Variants in KAZN observed in about 807,000 individuals in gnomAD.
The protein encoded by KAZN is kazrin, periplakin interacting protein.
A neutral mutation model predicts 87.4 loss-of-function variants in KAZN; 40 were observed. The observed-to-expected ratio is 0.46, with a 90% CI of 0.36 to 0.60. The LOEUF is 0.60. KAZN is among the 20% of genes least tolerant of loss of function. KAZN has a pLI of 0.00. For missense variants in KAZN, 898 were observed against 1,073.9 expected, an observed-to-expected ratio of 0.84 and a Z score of 2.29; for synonymous variants, 466 against 458.3, an observed-to-expected ratio of 1.02 and a Z score of -0.22.
chr1:14,459,702 A>G (rs377076397), intron 2 of KAZN, among the ~76,000 whole-genome samples: 1 of 152,162 alleles, frequency 6.6e-6, no homozygotes, highest in East Asian at 1.9e-4. Context: ...GCCTAGAGCA[A>G]TGGAAGAACT....
chr1:14,151,924 G>A (rs998060076), intron 1 of KAZN, among the ~76,000 whole-genome samples: 1 of 152,122 alleles, frequency 6.6e-6, no homozygotes, highest in Non-Finnish European at 1.5e-5. Flanking sequence ...AAAAATGGAA[G>A]GATGATAAAA....
chr1:13,932,207 C>G (rs1181607201), intron 1 of KAZN, among the ~76,000 whole-genome samples: 2 of 151,280 alleles, frequency 1.3e-5, no homozygotes, highest in African/African-American at 4.9e-5. Context: ...AAGTTATTAG[C>G]TAGTTTACAT....
intron 2 of KAZN, among the ~76,000 whole-genome samples, chr1:14,188,028 G>C (rs966106929): frequency 7.2e-5 from 11 of 152,126 alleles, no homozygotes; most frequent in African/African-American, 2.4e-4. Context: ...GGGTTTCACT[G>C]GGGGCAACTG....
At chr1:14,048,651 C>T (rs914432469) in intron 1 of KAZN, among the ~76,000 whole-genome samples, 4 of 152,230 alleles carry the variant, frequency 2.6e-5, no homozygotes, top group Admixed American at 6.5e-5. Context: ...TGATCCCACC[C>T]ACCTCGGCCT....
At chr1:14,136,457 T>A (rs1005235293) in intron 1 of KAZN, among the ~76,000 whole-genome samples, 11 of 152,118 alleles carry the variant, frequency 7.2e-5, no homozygotes, top group Non-Finnish European at 1.3e-4. Context: ...TACTAAACAA[T>A]TGCAAAGCAG....
chr1:14,839,426 T>C (rs1413268617), intron 1 of KAZN, among the ~76,000 whole-genome samples: 1 of 152,206 alleles, frequency 6.6e-6, no homozygotes, highest in East Asian at 1.9e-4. Context: ...CAATAAATGC[T>C]AGGGATCATT....
intron 1 of KAZN, among the ~76,000 whole-genome samples, chr1:14,641,298 G>A (rs1267717403): frequency 6.6e-6 from 1 of 152,134 alleles, no homozygotes. Context: ...TAGCTCCCAT[G>A]GTCTACATGA....
At chr1:15,048,241 T>G (rs923651197) in intron 4 of KAZN, among the ~76,000 whole-genome samples, 1 of 152,218 alleles carries the variant, frequency 6.6e-6, no homozygotes, top group Admixed American at 6.5e-5. Flanking sequence ...TCTGCAGACG[T>G]TTCCCAAGAA....
At chr1:14,725,541 C>A (rs1158968862) in intron 1 of KAZN, among the ~76,000 whole-genome samples, 1 of 151,144 alleles carries the variant, frequency 6.6e-6, no homozygotes, top group Non-Finnish European at 1.5e-5. Flanking sequence ...ACTAAAATAT[C>A]CATTCAGGAA....
chr1:14,253,954 G>A (rs1441431664), intron 2 of KAZN, among the ~76,000 whole-genome samples: 2 of 111,748 alleles, frequency 1.8e-5, no homozygotes, highest in Non-Finnish European at 3.4e-5. Context: ...TGTAATGGTG[G>A]TTGGGGCGGG....
At chr1:14,421,612 A>C (rs1203922475) in intron 2 of KAZN, among the ~76,000 whole-genome samples, 1 of 152,212 alleles carries the variant, frequency 6.6e-6, no homozygotes, top group Non-Finnish European at 1.5e-5. Context: ...TTAGAAACAT[A>C]AGCCGACTTA....
chr1:14,922,128 A>C (rs1301913012), intron 1 of KAZN, among the ~76,000 whole-genome samples: 1 of 152,218 alleles, frequency 6.6e-6, no homozygotes, highest in African/African-American at 2.4e-5. Context: ...GGAAGTGAAA[A>C]GTCTTCCTAA....
intron 2 of KAZN, among the ~76,000 whole-genome samples, chr1:14,567,054 C>T (rs1347093522): frequency 6.6e-6 from 1 of 152,182 alleles, no homozygotes; most frequent in Non-Finnish European, 1.5e-5. Context: ...TGCAAGAGGC[C>T]TACATTTTGG....
rs1181115816 is a variant in KAZN at position 14,387,898 on chromosome 1, C to T, written c.249+207306C>T. On this transcript the variant is annotated intron_variant, in intron 2 of 16. Coordinates refer to the KAZN transcript ENST00000636203. ...CTAAGCAAGCCTGGGCAATGGCGGGCGCCCCTCTCCCAGCCTCACTGCCGC... is the reference window on the plus strand; with the variant it reads ...CTAAGCAAGCCTGGGCAATGGCGGGTGCCCCTCTCCCAGCCTCACTGCCGC... Among the ~76,000 whole-genome samples, 16 of 152,282 alleles carry T rather than the reference C, an allele frequency of 1.1e-4. No individual in the cohort carries two copies. The South Asian group carries it at 1.2e-3, about 12-fold the overall frequency.
intron 2 of KAZN, among the ~76,000 whole-genome samples, chr1:14,518,051 C>A (rs952801196): frequency 1.3e-5 from 2 of 152,156 alleles, no homozygotes; most frequent in Admixed American, 6.5e-5. Context: ...AGCCCAAGGT[C>A]TGCCACTGAC....
chr1:14,054,755 T>C (rs929166236), intron 1 of KAZN, among the ~76,000 whole-genome samples: 3 of 152,238 alleles, frequency 2.0e-5, no homozygotes, highest in African/African-American at 7.2e-5. Context: ...TCTGTTCATT[T>C]ATTTTACAAA....
chr1:14,072,625 TGA>T (rs1179936590), intron 1 of KAZN, among the ~76,000 whole-genome samples: 12 of 152,282 alleles, frequency 7.9e-5, no homozygotes, highest in African/African-American at 2.6e-4. Flanking sequence ...CTTCCACTGG[TGA>T]GAGGCGGCTG....
rs74749584 is a variant in KAZN, at chr1:14,409,744, G to C, written c.250-189239G>C. Among the ~76,000 whole-genome samples, 549 of 152,260 alleles carry C rather than the reference G, an allele frequency of 3.6e-3. 2 individuals are homozygous for C. Among genetic ancestry groups the C allele is most frequent in the Non-Finnish European group, 5.9e-3 (399 of 68,022 alleles). Reference sequence around the variant, plus strand: ...AGGAAAAACTTCACCATGTGCAAGAGTCAGAAATTACAGCAAACTGAGGGA... The same window carrying C: ...AGGAAAAACTTCACCATGTGCAAGACTCAGAAATTACAGCAAACTGAGGGA... On this transcript the variant is annotated intron_variant, in intron 2 of 16. Coordinates refer to the KAZN transcript ENST00000636203.
At chr1:15,079,698 G>T (rs929543419) in intron 8 of KAZN, among the ~76,000 whole-genome samples, 1 of 152,156 alleles carries the variant, frequency 6.6e-6, no homozygotes, top group Non-Finnish European at 1.5e-5. Flanking sequence ...TTTCAGGGCT[G>T]CCCACTGGCA....
Sources: allele counts gnomAD v4.1 joint callset (sites outside exome capture counted in the v4.1 genomes callset), GRCh38; gene constraint gnomAD v4.1.1; transcripts MANE v1.5; gene names NCBI Gene and HGNC (gene_info 2026-07-23, HGNC 2026-07-21).